Variants in PALB2 observed in about 807,000 individuals in gnomAD.
PALB2 encodes partner and localizer of BRCA2.
In PALB2, 82 loss-of-function variants were observed where a neutral mutation model predicts 107.4. The ratio of observed to expected loss-of-function variants is 0.76; its 90% confidence interval spans 0.64 to 0.92. The LOEUF (loss-of-function observed/expected upper bound fraction) is 0.92. Among genes scored for constraint, PALB2 ranks in the 40% least tolerant of loss-of-function variants. PALB2 has a pLI of 0.00. For synonymous variants in PALB2, 489 were observed against 496.8 expected (o/e 0.98, Z 0.21); for missense variants, 1,374 against 1,379.9 (o/e 1.00, Z 0.07).
chr16:23,621,806 T>C (rs1966778593), intron 9 of PALB2, among the ~76,000 whole-genome samples: 1 of 152,182 alleles, frequency 6.6e-6, no homozygotes, highest in African/African-American at 2.4e-5. Context: ...TGGTCACCAC[T>C]CAAGTGACCA....
rs757145884 is a variant in PALB2 at position 23,630,054 on chromosome 16, T to A, written c.2100A>T (p.Ser700=). The A allele has an allele frequency of 6.1e-5, 98 of 1,614,020 alleles. No homozygotes were observed. Among genetic ancestry groups the A allele is most frequent in the Non-Finnish European group, 7.5e-5 (88 of 1,180,030 alleles). ...QSQHTKTGLS[S]SILLYTPLNT... ...TTAAAGGAGTATAAAGTAATATGGATGAAGAAAGGCCCGTCTTTGTATGCT... is the reference window on the plus strand; with the variant it reads ...TTAAAGGAGTATAAAGTAATATGGAAGAAGAAAGGCCCGTCTTTGTATGCT... Residue 700 remains serine, a synonymous_variant, in exon 5 of 13, where the codon TCA becomes TCT. Coordinates refer to ENST00000261584, the MANE Select transcript of PALB2 (RefSeq NM_024675.4).
In PALB2 at chr16:23,634,887, G is replaced by C. The variant is rs370318597; in HGVS notation, c.1659C>G (p.His553Gln). 3 of 1,613,654 alleles carry C rather than the reference G, an allele frequency of 1.9e-6. No homozygotes were observed. Among genetic ancestry groups the C allele is most frequent in the African/African-American group, 2.7e-5 (2 of 74,828 alleles). Residue 553 changes from histidine (H) to glutamine (Q), a missense_variant, in exon 4 of 13, where the codon CAC becomes CAG. Physicochemically the swap from His to Gln is conservative, Grantham distance 24. Transcript: ENST00000261584. The part of the protein sequence containing the change: ...KEEVTSHKYQ[H>Q]EKLFIQVKGK... ...CTTTCACTTGAATAAATAATTTTTC[G>C]TGCTGATATTTGTGTGAGGTGACTT...
Position 23,621,431 on chromosome 16 carries a change from G to A in PALB2, c.3044C>T (p.Thr1015Ile), listed in dbSNP as rs367840862. 16 of 1,614,014 alleles carry A rather than the reference G, an allele frequency of 9.9e-6. No individual in the cohort carries two copies. The highest frequency in any genetic ancestry group is 1.4e-5 in the Non-Finnish European group (16 of 1,180,006). The stretch of plus-strand genomic sequence containing the variant: ...TTGCATCCCTTGGACCTCAGCAAAA[G>A]TTAGTATAGTCTCCTCAGGGGGCAT... ...FLMPPEETILTFAEVQGMQEA... is the reference protein window; with the variant it reads ...FLMPPEETILIFAEVQGMQEA... The change falls in exon 10 of 13, where the codon ACT (threonine) becomes ATT (isoleucine). Residue 1015 changes from threonine to isoleucine, a missense_variant. Physicochemically the swap from Thr to Ile is moderately conservative, Grantham distance 89. Transcript: ENST00000261584.
At chr16:23,604,983 A>T (rs1966441873) in intron 12 of PALB2, among the ~76,000 whole-genome samples, 2 of 152,002 alleles carry the variant, frequency 1.3e-5, no homozygotes, top group African/African-American at 4.8e-5. Flanking sequence ...CTGAGGCAAG[A>T]GGATCGCTTG....
At chr16:23,616,920 C>A (rs1025982633) in intron 10 of PALB2, among the ~76,000 whole-genome samples, 2 of 151,784 alleles carry the variant, frequency 1.3e-5, no homozygotes, top group African/African-American at 2.4e-5. Flanking sequence ...TCATGCCATT[C>A]TCCTGCCTCA....
intron 11 of PALB2, among the ~76,000 whole-genome samples, chr16:23,608,438 T>C (rs796084119): frequency 2.0e-5 from 3 of 152,310 alleles, no homozygotes; most frequent in African/African-American, 4.8e-5. Flanking sequence ...GATTCATCCA[T>C]TTCCTTCCCC....
chr16:23,623,141 T>C lies in PALB2; in HGVS notation c.2835-11A>G, dbSNP rs747232850. ...GAACAAAACAATGCCCTAAGCCAAA[T>C]ATAAGGAAAAATGGGGTGATGTGAG... On this transcript the variant is annotated splice_polypyrimidine_tract_variant and intron_variant, in intron 8 of 12. Coordinates refer to ENST00000261584, the MANE Select transcript of PALB2 (RefSeq NM_024675.4). 14 of 1,609,662 alleles carry C rather than the reference T, an allele frequency of 8.7e-6. No homozygotes were observed. The highest frequency in any genetic ancestry group is 1.7e-5 in the Admixed American group (1 of 59,764).
chr16:23,630,458 G>A lies in PALB2; in HGVS notation c.1696C>T (p.Arg566Cys), dbSNP rs746582620. ...LFIQVKGKKS[R>C]HQKEDSLSWS... ...GAAAGGGAATCCTCTTTTTGATGACGACTTTTCTTCCCTAAAGAAGAAAAA... is the reference window on the plus strand; with the variant it reads ...GAAAGGGAATCCTCTTTTTGATGACAACTTTTCTTCCCTAAAGAAGAAAAA... The change falls in exon 5 of 13, where the codon CGT becomes TGT. Residue 566 changes from arginine (R) to cysteine (C), a missense_variant. Arg to Cys is a radical substitution (Grantham distance 180). Transcript: ENST00000261584. 8.1e-6 allele frequency: 13 copies of A among 1,611,336 alleles called. No homozygotes were observed. Among genetic ancestry groups the A allele is most frequent in the South Asian group, 5.5e-5 (5 of 90,752 alleles).
chr16:23,640,768 A>G (rs969397979), intron 1 of PALB2: 1 of 313,244 alleles, frequency 3.2e-6, no homozygotes, highest in East Asian at 5.1e-5. Flanking sequence ...AGGACCTGGA[A>G]GTACCAGACT....
Position 23,630,037 on chromosome 16 carries a change from G to A in PALB2, c.2117C>T (p.Thr706Ile), listed in dbSNP as rs587780209. The change falls in exon 5 of 13, where the codon ACT becomes ATT. Residue 706 changes from threonine to isoleucine, a missense_variant. By Grantham distance (89) the Thr-to-Ile change is moderately conservative. Transcript: ENST00000261584. ...ATCAGGCGCAACCGTATTTAAAGGAGTATAAAGTAATATGGATGAAGAAAG... is the reference window on the plus strand; with the variant it reads ...ATCAGGCGCAACCGTATTTAAAGGAATATAAAGTAATATGGATGAAGAAAG... Reference protein sequence around the residue: ...TGLSSSILLYTPLNTVAPDDN... With the variant: ...TGLSSSILLYIPLNTVAPDDN... 3.1e-6 allele frequency: 5 copies of A among 1,614,056 alleles called. No homozygotes were observed. The highest frequency in any genetic ancestry group is 4.2e-6 in the Non-Finnish European group (5 of 1,180,048).
intron 6 of PALB2, among the ~76,000 whole-genome samples, chr16:23,628,893 C>T (rs898598545): frequency 1.3e-5 from 2 of 152,188 alleles, no homozygotes; most frequent in Non-Finnish European, 2.9e-5. Context: ...TTCAGCCTCC[C>T]AAAGTGCTGA....
intron 11 of PALB2, among the ~76,000 whole-genome samples, chr16:23,609,723 A>G (rs546858111): frequency 3.9e-5 from 6 of 152,164 alleles, no homozygotes; most frequent in East Asian, 1.9e-4. Flanking sequence ...TCACTGTGTT[A>G]GCCAGGATGG....
At chr16:23,639,434 G>T (rs961552235) in intron 1 of PALB2, among the ~76,000 whole-genome samples, 1 of 149,716 alleles carries the variant, frequency 6.7e-6, no homozygotes, top group African/African-American at 2.5e-5. Context: ...CAGGAGAATT[G>T]CTTGAACCCG....
intron 7 of PALB2, among the ~76,000 whole-genome samples, chr16:23,624,770 C>CA (rs1178213699): frequency 2.6e-5 from 4 of 152,166 alleles, no homozygotes; most frequent in Non-Finnish European, 5.9e-5. Flanking sequence ...CTCAGCCTCT[C>CA]AAAGTGTTGG....
rs2142431479 is a variant in PALB2, at chr16:23,635,642, T to A, written c.904A>T (p.Asn302Tyr). ...CTTATAGCTTTATTTACAAGGAGGT[T>A]ATCTGTAGAGACAGTCATTTTTTTG... The part of the protein sequence containing the change: ...QGKKMTVSTD[N>Y]LLVNKAISKS... The change falls in exon 4 of 13, where the codon AAC becomes TAC. Residue 302 changes from asparagine to tyrosine, a missense_variant. Asn to Tyr is a moderately radical substitution (Grantham distance 143, BLOSUM62 -2). Transcript: ENST00000261584. The A allele has an allele frequency of 6.2e-7, 1 of 1,614,108 alleles. No homozygotes were observed. Among genetic ancestry groups the A allele is most frequent in the Non-Finnish European group, 8.5e-7 (1 of 1,179,976 alleles).
intron 7 of PALB2, among the ~76,000 whole-genome samples, chr16:23,625,150 T>C (rs1373999385): frequency 6.6e-6 from 1 of 152,004 alleles, no homozygotes. Context: ...CTGGCCAACA[T>C]GGTAAAACCC....
rs780415750 is a variant in PALB2 at position 23,626,388 on chromosome 16, C to A, written c.2596G>T (p.Gly866Cys). ...QLVSELKNPSGSCSVDVSAMF... is the reference protein window; with the variant it reads ...QLVSELKNPSCSCSVDVSAMF... ...GCACTCACATCTACGGAACAGGAAC[C>A]TGAAGGATTCTGACACAATGGCAAC... Residue 866 changes from glycine to cysteine, a missense_variant, in exon 7 of 13, where the codon GGT becomes TGT. Transcript: ENST00000261584. The A allele has an allele frequency of 2.5e-6, 4 of 1,614,168 alleles. No individual in the cohort carries two copies. The highest frequency in any genetic ancestry group is 3.4e-6 in the Non-Finnish European group (4 of 1,180,028).
chr16:23,635,273 C>T lies in PALB2; in HGVS notation c.1273G>A (p.Val425Met), dbSNP rs576081828. The T allele has an allele frequency of 9.3e-5, 150 of 1,614,148 alleles. No individual in the cohort carries two copies. Among genetic ancestry groups the T allele is most frequent in the South Asian group, 9.1e-4 (83 of 91,082 alleles). The change falls in exon 4 of 13, where the codon GTG (valine) becomes ATG (methionine). Residue 425 changes from valine (V) to methionine (M), a missense_variant. By Grantham distance (21) the Val-to-Met change is conservative. Coordinates refer to ENST00000261584, the MANE Select transcript of PALB2 (RefSeq NM_024675.4). The stretch of plus-strand genomic sequence containing the variant: ...AAATGACTCTGAATGACAGCCTCCA[C>T]GGCTACTTTCCTCTGGCAATTGGAC... ...SMSNCQRKVA[V>M]EAVIQSHLDV...
intron 6 of PALB2, among the ~76,000 whole-genome samples, chr16:23,627,217 G>A (rs1966845054): frequency 1.3e-5 from 2 of 151,946 alleles, no homozygotes; most frequent in African/African-American, 4.8e-5. Context: ...GCCGGGCGCG[G>A]TGGCTCACGC....
Sources: gnomAD v4.1 joint callset for allele counts (sites outside exome capture counted in the v4.1 genomes callset) on GRCh38, gnomAD v4.1.1 for gene constraint, MANE v1.5 for transcripts, NCBI Gene and HGNC (gene_info 2026-07-23, HGNC 2026-07-21) for gene names.